Variants in IQGAP2 observed in about 807,000 individuals in gnomAD.
The protein encoded by IQGAP2 is ras GTPase-activating-like protein IQGAP2.
Under a neutral mutation model 201.3 loss-of-function variants are expected in IQGAP2, and 173 were observed. That is an observed-to-expected ratio of 0.86 (90% confidence interval 0.76 to 0.98). The LOEUF is 0.98. IQGAP2 is among the 50% of genes least tolerant of loss of function. The pLI, the probability that IQGAP2 is intolerant of heterozygous loss-of-function variation, is 0.00. For missense variants in IQGAP2, 1,687 were observed against 1,864.8 expected (o/e 0.90, Z 1.76); for synonymous variants, 675 against 673.9 (o/e 1.00, Z -0.03).
intron 24 of IQGAP2, among the ~76,000 whole-genome samples, chr5:76,672,546 T>C (rs1580783164): frequency 6.6e-6 from 1 of 152,308 alleles, no homozygotes; most frequent in East Asian, 1.9e-4. Flanking sequence ...TAAATAAATG[T>C]TTGTATAGCA....
chr5:76,497,269 T>A (rs188346722), intron 2 of IQGAP2, among the ~76,000 whole-genome samples: 1 of 152,356 alleles, frequency 6.6e-6, no homozygotes, highest in East Asian at 1.9e-4. Context: ...TTCTGCGGTT[T>A]GGAGTTTATT....
At chr5:76,462,349 T>G (rs1754509649) in intron 2 of IQGAP2, among the ~76,000 whole-genome samples, 1 of 152,136 alleles carries the variant, frequency 6.6e-6, no homozygotes, top group Non-Finnish European at 1.5e-5. Flanking sequence ...CTTTAAACCG[T>G]GGGTGTGTGG....
intron 2 of IQGAP2, among the ~76,000 whole-genome samples, chr5:76,502,811 C>A (rs949745343): frequency 3.3e-5 from 5 of 152,140 alleles, no homozygotes; most frequent in Non-Finnish European, 5.9e-5. Flanking sequence ...TCATAGCTTG[C>A]TGCAGCCTGG....
At chr5:76,623,131 C>G (rs370122521) in intron 13 of IQGAP2, 5 of 1,603,444 alleles carry the variant, frequency 3.1e-6, no homozygotes, top group African/African-American at 2.7e-5. Context: ...AACAGAAACC[C>G]ACATCCCCAT....
chr5:76,630,547 T>C (rs1750611588), intron 14 of IQGAP2, among the ~76,000 whole-genome samples: 1 of 152,174 alleles, frequency 6.6e-6, no homozygotes, highest in South Asian at 2.1e-4. Context: ...TCATCGATAC[T>C]CAATGATGAT....
intron 1 of IQGAP2, among the ~76,000 whole-genome samples, chr5:76,443,775 T>C (rs1234174661): frequency 6.6e-6 from 1 of 152,196 alleles, no homozygotes; most frequent in Admixed American, 6.5e-5. Flanking sequence ...AAAGAGCAAG[T>C]GTTCAGCTAT....
intron 30 of IQGAP2, among the ~76,000 whole-genome samples, chr5:76,685,204 T>C (rs2150519159): frequency 6.6e-6 from 1 of 152,200 alleles, no homozygotes; most frequent in South Asian, 2.1e-4. Context: ...AGGGAGACAA[T>C]TCAGGGCAGG....
intron 32 of IQGAP2, among the ~76,000 whole-genome samples, chr5:76,697,257 A>C (rs1746834281): frequency 6.6e-6 from 1 of 152,246 alleles, no homozygotes; most frequent in Non-Finnish European, 1.5e-5. Context: ...TGTCAGATGA[A>C]AAAGTTTGTT....
At chr5:76,629,188 C>T (rs2431359) in intron 14 of IQGAP2, among the ~76,000 whole-genome samples, 140,600 of 152,250 alleles carry the variant, frequency 0.92, 65,167 homozygotes, top group Middle Eastern at 0.97. Flanking sequence ...CTTAAAGAGC[C>T]GATATACTTT....
At chr5:76,548,692 G>C (rs1743249633) in intron 2 of IQGAP2, among the ~76,000 whole-genome samples, 1 of 152,206 alleles carries the variant, frequency 6.6e-6, no homozygotes, top group Non-Finnish European at 1.5e-5. Flanking sequence ...CATCAGATTA[G>C]TGTGAGAATA....
intron 2 of IQGAP2, among the ~76,000 whole-genome samples, chr5:76,538,089 A>C (rs371763666): frequency 1.3e-5 from 2 of 152,226 alleles, no homozygotes; most frequent in Admixed American, 6.5e-5. Context: ...ACATGCGGCT[A>C]GGAAGGCCTC....
At chr5:76,473,939 C>T (rs1466822671) in intron 2 of IQGAP2, among the ~76,000 whole-genome samples, 2 of 152,184 alleles carry the variant, frequency 1.3e-5, no homozygotes, top group East Asian at 3.8e-4. Context: ...TATCATTATT[C>T]AAGGCATAGA....
chr5:76,619,866 A>G (rs1467988909), intron 13 of IQGAP2, among the ~76,000 whole-genome samples: 1 of 152,156 alleles, frequency 6.6e-6, no homozygotes, highest in Non-Finnish European at 1.5e-5. Flanking sequence ...GGGTGGGTCA[A>G]ATATAATCAT....
At chr5:76,702,371 C>G (rs1747480161) in intron 34 of IQGAP2, 111 bp from the exon 35 acceptor site, 2 of 611,792 alleles carry the variant, frequency 3.3e-6, no homozygotes, top group Admixed American at 3.0e-5. Context: ...TTAGGATTTT[C>G]TCAACAAGCC....
chr5:76,606,316 C>A lies in IQGAP2; in HGVS notation c.1357+13C>A. The A allele has an allele frequency of 6.3e-7, 1 of 1,578,526 alleles. No homozygotes were observed. Among genetic ancestry groups the A allele is most frequent in the Non-Finnish European group, 8.6e-7 (1 of 1,162,046 alleles). ...GAAGAAAATGACCGTAAGTATAAGA[C>A]ACTTTCCTTCTCTAGCATAGTGGGA... is the stretch of plus-strand genomic sequence containing the variant. On this transcript the variant is annotated intron_variant, in intron 12 of 35. Coordinates refer to ENST00000274364, the MANE Select transcript of IQGAP2 (RefSeq NM_006633.5).
chr5:76,506,401 C>A lies in IQGAP2; in HGVS notation c.146+44732C>A, dbSNP rs960434927. 4.6e-5 allele frequency among the ~76,000 whole-genome samples: 7 copies of A among 152,070 alleles called. No individual in the cohort carries two copies. In the East Asian group the frequency reaches 1.2e-3, roughly 25 times the overall value. ...ATTCCTAAGTACTACTATCTTTTTC[C>A]CTGAAAGCAGTGGCATGAACTTATC... is the stretch of plus-strand genomic sequence containing the variant. On this transcript the variant is annotated intron_variant, in intron 2 of 35. Transcript: ENST00000274364.
intron 27 of IQGAP2, among the ~76,000 whole-genome samples, chr5:76,676,274 A>T (rs1744814670): frequency 6.6e-6 from 1 of 152,186 alleles, no homozygotes; most frequent in Non-Finnish European, 1.5e-5. Flanking sequence ...ACTCATATTT[A>T]TCCTTTGTGT....
At chr5:76,664,111 C>T (rs774689860) in intron 21 of IQGAP2, among the ~76,000 whole-genome samples, 9 of 152,180 alleles carry the variant, frequency 5.9e-5, no homozygotes, top group Non-Finnish European at 1.2e-4. Context: ...CCTAGCATTA[C>T]GCCTGTCCTA....
intron 2 of IQGAP2, among the ~76,000 whole-genome samples, chr5:76,469,697 C>A (rs1273732244): frequency 2.0e-5 from 3 of 152,034 alleles, no homozygotes; most frequent in African/African-American, 7.2e-5. Context: ...AGCCACCGCT[C>A]CTGGCCTCAA....
Sources: allele counts gnomAD v4.1 joint callset (sites outside exome capture counted in the v4.1 genomes callset), GRCh38; gene constraint gnomAD v4.1.1; transcripts MANE v1.5; gene names NCBI Gene and HGNC (gene_info 2026-07-23, HGNC 2026-07-21).